AMZ2: variants seen among roughly 807,000 people sequenced by gnomAD.
AMZ2 encodes the protein archaelysin family metallopeptidase 2, also known as archaemetzincin-2.
Under a neutral mutation model 36.7 loss-of-function variants are expected in AMZ2, and 26 were observed. The ratio of observed to expected loss-of-function variants is 0.71; its 90% CI spans 0.52 to 0.98. AMZ2 has a LOEUF of 0.98. Among genes scored for constraint, AMZ2 ranks in the 50% least tolerant of loss-of-function variants. The pLI is 0.00. For missense variants in AMZ2, 394 were observed against 430.5 expected (o/e 0.92, Z 0.75); for synonymous variants, 144 against 149.1 (o/e 0.97, Z 0.25).
chr17:68,233,460 T>C (rs1555731765), intron 1 of AMZ2, among the ~76,000 whole-genome samples: 1 of 143,930 alleles, frequency 6.9e-6, no homozygotes, highest in Middle Eastern at 3.4e-3. Flanking sequence ...AGTGAGCCGA[T>C]ACCGCACCAC....
intron 1 of AMZ2, among the ~76,000 whole-genome samples, chr17:68,242,064 A>C (rs554967876): frequency 6.6e-6 from 1 of 152,180 alleles, no homozygotes; most frequent in South Asian, 2.1e-4. Context: ...TTTTAAAATA[A>C]AGTCAACAAA....
chr17:68,237,173 G>T (rs1199494317), intron 1 of AMZ2, among the ~76,000 whole-genome samples: 1 of 152,044 alleles, frequency 6.6e-6, no homozygotes, highest in Non-Finnish European at 1.5e-5. Flanking sequence ...ATTCTTTCTG[G>T]AATAAGAAAT....
At position 68,206,384 on chromosome 17, in the gene AMZ2, A is replaced by G. The variant is rs371572721; in HGVS notation, c.-67+146A>G. On this transcript the variant is annotated intron_variant, in intron 1 of 7. Transcript: ENST00000674770. ...AGAGGGGAAATGCGAGGGCACATCA[A>G]GTGGCAAAAAACTAGATTTACAAGA... 2.0e-4 allele frequency: 164 copies of G among 839,120 alleles called. No individual in the cohort carries two copies. In the East Asian group the frequency reaches 5.8e-3, roughly 30 times the overall value. The allele number at this position is 839,120 out of a possible 1,614,324, so 52.0% of individuals were successfully genotyped here.
chr17:68,248,202 G>A lies in AMZ2; in HGVS notation c.-504G>A. Reference sequence around the variant, plus strand: ...GAGGCGGGGGCCGGTCGCGGTCGGTGGAGCGGGATGAGGATGTAGGAGGGG... The same window carrying A: ...GAGGCGGGGGCCGGTCGCGGTCGGTAGAGCGGGATGAGGATGTAGGAGGGG... On this transcript the variant is annotated 5_prime_UTR_variant, in exon 1 of 7. Coordinates refer to ENST00000359904, the MANE Select transcript of AMZ2 (RefSeq NM_016627.5). 1 of 986,438 alleles carries A rather than the reference G, an allele frequency of 1.0e-6. No homozygotes were observed. The allele number at this position is 986,438 out of a possible 1,614,324, so 61.1% of individuals were successfully genotyped here. A position where few individuals can be genotyped will look rare whatever the true frequency, so the allele number is the denominator to read the frequency against.
In AMZ2 at chr17:68,250,753, T is replaced by G. The variant is rs2074392166; in HGVS notation, c.284-41T>G. The stretch of plus-strand genomic sequence containing the variant: ...CATAGACTGGGTAAACACTGAATAA[T>G]CATCTTAAAGTCTGTTTTTAAATGT... On this transcript the variant is annotated intron_variant, in intron 2 of 6. Coordinates refer to ENST00000359904, the MANE Select transcript of AMZ2 (RefSeq NM_016627.5). 11 of 1,496,864 alleles carry G rather than the reference T, an allele frequency of 7.3e-6. No individual in the cohort carries two copies. The East Asian group carries it at 2.5e-4, about 34-fold the overall frequency. The allele number at this position is 1,496,864 out of a possible 1,614,324, so 92.7% of individuals were successfully genotyped here.
chr17:68,235,264 T>G lies in AMZ2; in HGVS notation c.-66-13376T>G, dbSNP rs2073759201. 6.6e-6 allele frequency among the ~76,000 whole-genome samples: 1 copy of G among 152,238 alleles called. No individual in the cohort carries two copies. Among genetic ancestry groups the G allele is most frequent in the African/African-American group, 2.4e-5 (1 of 41,468 alleles). ...AATGTCAGGGCTTTGTGTTTTTGCCTTTGGGCTTTTGCCATGCCTGGTTAT... is the reference window on the plus strand; with the variant it reads ...AATGTCAGGGCTTTGTGTTTTTGCCGTTGGGCTTTTGCCATGCCTGGTTAT... On this transcript the variant is annotated intron_variant, in intron 1 of 7. Transcript: ENST00000674770. This position sits in a 1 kb window ranked among gnomAD's most constrained non-coding sequence, Gnocchi z 4.2.
intron 1 of AMZ2, among the ~76,000 whole-genome samples, chr17:68,213,649 G>C (rs1399455187): frequency 3.3e-5 from 5 of 152,176 alleles, no homozygotes; most frequent in Non-Finnish European, 7.3e-5. Flanking sequence ...AGGTATTTTT[G>C]GTGGGCGTTT....
chr17:68,240,886 T>C (rs1855336215), intron 1 of AMZ2, among the ~76,000 whole-genome samples: 1 of 152,208 alleles, frequency 6.6e-6, no homozygotes, highest in Non-Finnish European at 1.5e-5. Context: ...CAATCAAGTA[T>C]GAGGGCAGAA....
upstream of AMZ2, among the ~76,000 whole-genome samples, chr17:68,244,311 C>T (rs1471026609): frequency 3.4e-4 from 51 of 152,176 alleles, no homozygotes; most frequent in African/African-American, 9.4e-4. Context: ...TTTTTGGAGA[C>T]AGTCTTGCTC....
upstream of AMZ2, among the ~76,000 whole-genome samples, chr17:68,242,997 T>C (rs1287808881): frequency 6.9e-6 from 1 of 144,206 alleles, no homozygotes; most frequent in Non-Finnish European, 1.5e-5. Context: ...TGAGCCGTGA[T>C]CACACTACTG....
upstream of AMZ2, chr17:68,247,968 C>T: frequency 3.0e-6 from 3 of 984,774 alleles, no homozygotes; most frequent in South Asian, 1.4e-4. Context: ...TTGGGCGGGG[C>T]CCACAGGGCG....
In AMZ2 at chr17:68,248,459, G is replaced by A. The variant is rs2074183446; in HGVS notation, c.-247G>A. Reference sequence around the variant, plus strand: ...CCTTCCCGTTTGCCCGTGATGTTCTGGTTTTGGGACCAAAGCATCCTAGGC... The same window carrying A: ...CCTTCCCGTTTGCCCGTGATGTTCTAGTTTTGGGACCAAAGCATCCTAGGC... On this transcript the variant is annotated 5_prime_UTR_variant, in exon 1 of 7. An upstream open reading frame in the 5' UTR gains an earlier in-frame stop. Transcript: ENST00000359904. The A allele has an allele frequency of 1.0e-6, 1 of 986,202 alleles. No homozygotes were observed. Among genetic ancestry groups the A allele is most frequent in the Non-Finnish European group, 1.2e-6 (1 of 830,200 alleles). The allele number at this position is 986,202 out of a possible 1,614,324, so 61.1% of individuals were successfully genotyped here.
At chr17:68,210,011 T>A (rs192059033) in intron 1 of AMZ2, among the ~76,000 whole-genome samples, 220 of 152,236 alleles carry the variant, frequency 1.4e-3, no homozygotes, top group Non-Finnish European at 2.4e-3. Flanking sequence ...CTAGCAGGGC[T>A]GTAATGTTTA....
intron 1 of AMZ2, among the ~76,000 whole-genome samples, chr17:68,210,358 TG>T (rs1183258118): frequency 6.6e-6 from 1 of 152,224 alleles, no homozygotes; most frequent in East Asian, 1.9e-4. Context: ...TATTCAGCCT[TG>T]GAAGGAAATT....
At position 68,231,449 on chromosome 17, in the gene AMZ2, A is replaced by G. The variant is rs541771320; in HGVS notation, c.-66-17191A>G. Among the ~76,000 whole-genome samples, 2 of 47,216 alleles carry G rather than the reference A, an allele frequency of 4.2e-5. 1 individual carries two copies. The highest frequency in any genetic ancestry group is 1.3e-3 in the South Asian group (2 of 1,504). 31.0% of individuals were successfully genotyped at this position (47,216 alleles called of 152,430 possible). A position where few individuals can be genotyped will look rare whatever the true frequency, so the allele number is the denominator to read the frequency against. ...TGGAATGAACAAAACTAGCCATGAA[A>G]TTGTGGCTTCTTGTATCCTAAAGGT... On this transcript the variant is annotated intron_variant, in intron 1 of 7. Coordinates refer to the AMZ2 transcript ENST00000674770.
rs2073073413 is a variant in AMZ2 at position 68,211,846 on chromosome 17, A to ATATATGTATATG, written c.-67+5613_-67+5614insGTATATGTATAT. Among the ~76,000 whole-genome samples, 3 of 120,654 alleles carry ATATATGTATATG rather than the reference A, an allele frequency of 2.5e-5. 1 individual carries two copies. Among genetic ancestry groups the ATATATGTATATG allele is most frequent in the South Asian group, 2.8e-4 (1 of 3,542 alleles). The allele number at this position is 120,654 out of a possible 152,430, so 79.2% of individuals were successfully genotyped here. A position where few individuals can be genotyped will look rare whatever the true frequency, so the allele number is the denominator to read the frequency against. On this transcript the variant is annotated intron_variant, in intron 1 of 7. Transcript: ENST00000674770. ...TATGTATATGTATATATGTACATGT[A>ATATATGTATATG]TATATATGTATATGTATATATGTGT...
intron 1 of AMZ2, among the ~76,000 whole-genome samples, chr17:68,241,850 AG>A (rs1462531658): frequency 6.6e-6 from 1 of 151,198 alleles, no homozygotes; most frequent in Non-Finnish European, 1.5e-5. Context: ...TCAGCCTCCA[AG>A]TAGCTGGGAT....
rs201062877 is a variant in AMZ2 at position 68,250,291 on chromosome 17, G to A, written c.104G>A (p.Arg35His). 2.4e-4 allele frequency: 384 copies of A among 1,614,186 alleles called. 3 individuals are homozygous for A. In the Middle Eastern group the frequency reaches 3.0e-3, roughly 12 times the overall value. Residue 35 changes from arginine (R) to histidine (H), a missense_variant, in exon 2 of 7, where the codon CGT becomes CAT. By Grantham distance (29) the Arg-to-His change is conservative (BLOSUM62 0). Coordinates refer to ENST00000359904, the MANE Select transcript of AMZ2 (RefSeq NM_016627.5). ...QYEKLNAGEQ[R>H]LMNEAFQPAS... ...GAGAAATTAAATGCTGGGGAACAACGTTTAATGAATGAAGCCTTCCAGCCA... is the reference window on the plus strand; with the variant it reads ...GAGAAATTAAATGCTGGGGAACAACATTTAATGAATGAAGCCTTCCAGCCA...
upstream of AMZ2, chr17:68,247,590 G>A: frequency 1.0e-6 from 1 of 972,526 alleles, no homozygotes; most frequent in Non-Finnish European, 1.2e-6. Context: ...AGAAGGGAAA[G>A]TGCTGAGGGT....
Sources: gnomAD v4.1 joint callset for allele counts (sites outside exome capture counted in the v4.1 genomes callset) on GRCh38, gnomAD v4.1.1 for gene constraint, Gnocchi (gnomAD v3.1) non-coding constraint, MANE v1.5 for transcripts, NCBI Gene and HGNC (gene_info 2026-07-23, HGNC 2026-07-21) for gene names.